The following ATG7 variants were observed in gnomAD, a reference collection of about 807,000 sequenced individuals.
ATG7 encodes ubiquitin-like modifier-activating enzyme ATG7.
In ATG7, 70 loss-of-function variants were observed where a neutral mutation model predicts 82.4. The ratio of observed to expected loss-of-function variants is 0.85; its 90% CI spans 0.70 to 1.04. The LOEUF is 1.04. Ranked by LOEUF, ATG7 falls within the 50% of genes least tolerant of loss-of-function variation. ATG7 has a pLI of 0.00. For missense variants in ATG7, 792 were observed against 864.3 expected (o/e 0.92, Z 1.05); for synonymous variants, 287 against 313.0 (o/e 0.92, Z 0.88).
At chr3:11,337,079 A>G (rs552257562) in intron 11 of ATG7, among the ~76,000 whole-genome samples, 2 of 152,334 alleles carry the variant, frequency 1.3e-5, no homozygotes, top group African/African-American at 4.8e-5. Flanking sequence ...TGCTGCGGGT[A>G]GAGATCCCAT....
chr3:11,397,376 A>G (rs748073883), intron 19 of ATG7, among the ~76,000 whole-genome samples: 4 of 6,400 alleles, frequency 6.3e-4, no homozygotes, highest in Non-Finnish European at 8.1e-4. Context: ...GTTTTAATTC[A>G]CCAGGTAGAA....
At chr3:11,354,523 C>G (rs1196502846) in intron 14 of ATG7, among the ~76,000 whole-genome samples, 1 of 151,888 alleles carries the variant, frequency 6.6e-6, no homozygotes, top group Admixed American at 6.6e-5. Context: ...GTGGCGCACA[C>G]CTGTACTCTC....
intron 20 of ATG7, among the ~76,000 whole-genome samples, chr3:11,551,251 C>A (rs2071751066): frequency 6.6e-6 from 1 of 152,344 alleles, no homozygotes; most frequent in African/African-American, 2.4e-5. Flanking sequence ...ATGGTGGGGG[C>A]TTCTCACCGC....
the ATG7 span, among the ~76,000 whole-genome samples, chr3:11,574,781 A>ATGTGTG: frequency 5.8e-5 from 7 of 121,016 alleles, no homozygotes; most frequent in African/African-American, 2.3e-4. Context: ...CAATTCAACT[A>ATGTGTG]TATATGTGTG....
chr3:11,520,818 A>G (rs1421647550), intron 20 of ATG7, among the ~76,000 whole-genome samples: 1 of 152,226 alleles, frequency 6.6e-6, no homozygotes, highest in African/African-American at 2.4e-5. Flanking sequence ...TAATAAAGAA[A>G]AAGTCAGCAT....
intron 20 of ATG7, among the ~76,000 whole-genome samples, chr3:11,535,249 C>T (rs1274541214): frequency 6.6e-6 from 1 of 152,222 alleles, no homozygotes; most frequent in Non-Finnish European, 1.5e-5. Flanking sequence ...CTTTGCACCC[C>T]TTCATCAGAC....
intron 20 of ATG7, among the ~76,000 whole-genome samples, chr3:11,433,467 A>G (rs2083095159): frequency 1.3e-5 from 2 of 152,120 alleles, no homozygotes; most frequent in African/African-American, 4.8e-5. Flanking sequence ...ATTTGTTCCA[A>G]CTGTGGGTTC....
chr3:11,457,266 G>C (rs2454503), intron 20 of ATG7, among the ~76,000 whole-genome samples: 33,212 of 151,976 alleles, frequency 0.22, 4,089 homozygotes, highest in South Asian at 0.35. Flanking sequence ...GCGGCGGGAA[G>C]ATCTGTACTA....
intron 9 of ATG7, among the ~76,000 whole-genome samples, chr3:11,325,819 G>C (rs1483133545): frequency 6.6e-6 from 1 of 152,174 alleles, no homozygotes; most frequent in Non-Finnish European, 1.5e-5. Context: ...TTGTAACTCA[G>C]TGTCTCTGTA....
At chr3:11,408,069 C>T (rs1246926509) in intron 19 of ATG7, among the ~76,000 whole-genome samples, 1 of 152,204 alleles carries the variant, frequency 6.6e-6, no homozygotes, top group Admixed American at 6.5e-5. Flanking sequence ...AACTTTTATG[C>T]TCTGTTTCCC....
intron 4 of ATG7, 87 bp downstream of exon 4, chr3:11,298,942 C>T (rs1429910731): frequency 2.1e-6 from 3 of 1,447,172 alleles, no homozygotes; most frequent in East Asian, 2.3e-5. Flanking sequence ...TAGAAAGAGA[C>T]AGCCTTGTCT....
At chr3:11,497,357 CTATATATA>C (rs58838386) in intron 20 of ATG7, among the ~76,000 whole-genome samples, 643 of 57,316 alleles carry the variant, frequency 0.011, 28 homozygotes, top group African/African-American at 0.036. Context: ...ACTAAAAATA[CTATATATA>C]TATATATATA....
chr3:11,540,909 G>C (rs113150997), intron 20 of ATG7, among the ~76,000 whole-genome samples: 4,339 of 128,574 alleles, frequency 0.034, 140 homozygotes, highest in African/African-American at 0.051. Context: ...GCTTTTTTTG[G>C]GGGGGGGAGG....
intron 20 of ATG7, among the ~76,000 whole-genome samples, chr3:11,487,088 C>T (rs9757971): frequency 0.087 from 12,922 of 148,370 alleles, 1,023 homozygotes; most frequent in African/African-American, 0.22. Flanking sequence ...CATCTTGCAC[C>T]GCCCTTAATC....
chr3:11,563,990 C>A, the ATG7 span, among the ~76,000 whole-genome samples: 1 of 152,170 alleles, frequency 6.6e-6, no homozygotes, highest in Non-Finnish European at 1.5e-5. Flanking sequence ...GAGGCTCTTG[C>A]AGCTGAATGC....
chr3:11,455,230 G>A (rs968883331), intron 20 of ATG7, among the ~76,000 whole-genome samples: 7 of 152,204 alleles, frequency 4.6e-5, no homozygotes, highest in African/African-American at 1.7e-4. Context: ...TTTTCATGAA[G>A]CAAGTTATTG....
chr3:11,442,440 T>G (rs1227038460), intron 20 of ATG7, among the ~76,000 whole-genome samples: 1 of 152,110 alleles, frequency 6.6e-6, no homozygotes, highest in Non-Finnish European at 1.5e-5. Context: ...AAAACTAGAT[T>G]TTTTTCATAA....
intron 20 of ATG7, among the ~76,000 whole-genome samples, chr3:11,494,118 C>A (rs1171963855): frequency 2.6e-5 from 4 of 152,188 alleles, no homozygotes; most frequent in Admixed American, 2.0e-4. Flanking sequence ...ATGACTGTTG[C>A]CAGGGAAGAA....
rs569891241 is a variant in ATG7, at chr3:11,453,091, C to T, written c.2079+26165C>T. 1.5e-4 allele frequency among the ~76,000 whole-genome samples: 23 copies of T among 152,258 alleles called. No homozygotes were observed. In the East Asian group the frequency reaches 3.7e-3, roughly 24 times the overall value. Reference sequence around the variant, plus strand: ...GGAGAATCTACAGCTCTGTCCACCACGCCTTTAGAGAGGCACACCCAAATT... The same window carrying T: ...GGAGAATCTACAGCTCTGTCCACCATGCCTTTAGAGAGGCACACCCAAATT... On this transcript the variant is annotated intron_variant, in intron 20 of 20. Coordinates refer to ENST00000693202, the MANE Select transcript of ATG7 (RefSeq NM_001349232.2).
Sources: gnomAD v4.1 joint callset for allele counts (sites outside exome capture counted in the v4.1 genomes callset) on GRCh38, gnomAD v4.1.1 for gene constraint, MANE v1.5 for transcripts, NCBI Gene and HGNC (gene_info 2026-07-23, HGNC 2026-07-21) for gene names.